Variants in LETMD1 observed in about 807,000 individuals in gnomAD.
LETMD1 encodes the protein LETM1 domain containing 1.
LETMD1 carries 30 observed loss-of-function variants against 43.9 expected under a neutral mutation model. The ratio of observed to expected loss-of-function variants is 0.68; its 90% CI spans 0.51 to 0.93. LETMD1 has a LOEUF of 0.93. Among genes scored for constraint, LETMD1 ranks in the 40% least tolerant of loss-of-function variants. The pLI, the probability that LETMD1 is intolerant of heterozygous loss-of-function variation, is 0.00. For missense variants in LETMD1, 413 were observed against 447.7 expected, an observed-to-expected ratio of 0.92 and a Z score of 0.70; for synonymous variants, 176 against 163.1, an observed-to-expected ratio of 1.08 and a Z score of -0.60.
At chr12:51,068,793 G>A in the LETMD1 span, among the ~76,000 whole-genome samples, 2 of 151,734 alleles carry the variant, frequency 1.3e-5, no homozygotes, top group African/African-American at 4.8e-5. Flanking sequence ...GAAAAAAAAA[G>A]GGCAAATTAA....
At chr12:51,052,239 A>T in intron 3 of LETMD1, 32 bp downstream of exon 3, 1 of 1,610,708 alleles carries the variant, frequency 6.2e-7, no homozygotes, top group Non-Finnish European at 8.5e-7. Context: ...CCAGAAGTTC[A>T]TGGTGAGGTA....
At chr12:51,068,677 AAC>A in the LETMD1 span, among the ~76,000 whole-genome samples, 1 of 152,216 alleles carries the variant, frequency 6.6e-6, no homozygotes, top group African/African-American at 2.4e-5. Flanking sequence ...CTTGCCTTCT[AAC>A]ACAGAGAGGA....
At position 51,055,813 on chromosome 12, in the gene LETMD1, TTG is replaced by T. The variant is rs1197608423; in HGVS notation, c.474-19_474-18del. 1 of 1,561,682 alleles carries T rather than the reference TTG, an allele frequency of 6.4e-7. No individual in the cohort carries two copies. The highest frequency in any genetic ancestry group is 1.4e-5 in the African/African-American group (1 of 73,150). ...AAGAAGCCAGTTTCAGCAAGTGAGT[TTG>T]TGATTCTTTCTCCTTTCAGGTACCT... On this transcript the variant is annotated intron_variant, in intron 4 of 8. Transcript: ENST00000262055.
chr12:51,064,776 TAAG>T (rs778852688), downstream of LETMD1: 92 of 914,232 alleles, frequency 1.0e-4, no homozygotes, highest in Non-Finnish European at 1.2e-4. Flanking sequence ...GGTCTCCTTG[TAAG>T]AAGAAAAGCA....
chr12:51,060,759 A>G (rs376845391), downstream of LETMD1, among the ~76,000 whole-genome samples: 31 of 152,182 alleles, frequency 2.0e-4, no homozygotes, highest in East Asian at 2.9e-3. Context: ...AAAATTAGCC[A>G]GGCGTGGTGG....
intron 3 of LETMD1, 67 bp from the exon 4 acceptor site, chr12:51,053,711 G>T (rs750201793): frequency 9.5e-7 from 1 of 1,053,022 alleles, no homozygotes; most frequent in Non-Finnish European, 1.5e-6. Flanking sequence ...CAGTGGGGTG[G>T]ATGGATTGTC....
chr12:51,061,021 C>T (rs1441771139), downstream of LETMD1, among the ~76,000 whole-genome samples: 1 of 151,880 alleles, frequency 6.6e-6, no homozygotes, highest in Non-Finnish European at 1.5e-5. Flanking sequence ...TACACAAGGG[C>T]ATATGAACCA....
chr12:51,048,579 T>G, intron 1 of LETMD1, 101 bp downstream of exon 1: 1 of 1,455,034 alleles, frequency 6.9e-7, no homozygotes, highest in Admixed American at 1.9e-5. Context: ...GTTCCACGCC[T>G]TGGCCCTGGA....
intron 4 of LETMD1, among the ~76,000 whole-genome samples, chr12:51,054,323 G>A (rs1181237437): frequency 2.6e-5 from 4 of 152,088 alleles, no homozygotes; most frequent in South Asian, 2.1e-4. Context: ...TAAAACAATC[G>A]TATAAATCAT....
At chr12:51,055,371 C>T (rs538236345) in intron 4 of LETMD1, among the ~76,000 whole-genome samples, 1 of 152,012 alleles carries the variant, frequency 6.6e-6, no homozygotes, top group East Asian at 1.9e-4. Flanking sequence ...CTGAGAGTCA[C>T]TTAAGAGAAA....
chr12:51,064,710 A>T (rs748314697), downstream of LETMD1: 4 of 1,468,954 alleles, frequency 2.7e-6, no homozygotes. Context: ...TGAGACCTAC[A>T]ATCCTAACAA....
At chr12:51,064,225 G>C (rs1247520672), downstream of LETMD1, 1 of 1,613,766 alleles carries the variant, frequency 6.2e-7, no homozygotes, top group South Asian at 1.1e-5. Flanking sequence ...CCTGGGGGCA[G>C]CTGAGCCTGG....
chr12:51,064,177 G>C (rs774325667), downstream of LETMD1: 3 of 1,614,180 alleles, frequency 1.9e-6, no homozygotes, highest in East Asian at 6.7e-5. Flanking sequence ...GAGGCAGTTG[G>C]GTGGTCTGAG....
At chr12:51,050,787 G>A (rs1311616021) in intron 2 of LETMD1, among the ~76,000 whole-genome samples, 2 of 151,528 alleles carry the variant, frequency 1.3e-5, no homozygotes, top group African/African-American at 4.8e-5. Flanking sequence ...GCCGGGGCGG[G>A]CGGATCATCT....
chr12:51,064,342 T>G (rs548123151), downstream of LETMD1: 1 of 1,614,206 alleles, frequency 6.2e-7, no homozygotes, highest in Admixed American at 1.7e-5. Context: ...AGGCTGGCAC[T>G]AGAGCCGCTG....
Position 51,055,938 on chromosome 12 carries a change from G to C in LETMD1, c.577G>C (p.Glu193Gln). ...TGCTTTCCGGAAGCAGTCCCACCCA[G>C]AAATTATTAGTTATTTAGAAAAGGT... is the stretch of plus-strand genomic sequence containing the variant. ...YHAFRKQSHP[E>Q]IISYLEKVIP... The change falls in exon 5 of 9, where the codon GAA becomes CAA. Residue 193 changes from glutamate (E) to glutamine (Q), a missense_variant. Transcript: ENST00000262055. The C allele has an allele frequency of 6.2e-7, 1 of 1,614,042 alleles. No homozygotes were observed. Among genetic ancestry groups the C allele is most frequent in the Non-Finnish European group, 8.5e-7 (1 of 1,179,954 alleles).
upstream of LETMD1, chr12:51,048,285 C>A (rs533555037): frequency 1.2e-6 from 2 of 1,605,770 alleles, no homozygotes; most frequent in South Asian, 1.1e-5. Flanking sequence ...CATGCGTCTT[C>A]GAACGAACGC....
downstream of LETMD1, chr12:51,063,974 A>C: frequency 6.2e-7 from 1 of 1,613,720 alleles, no homozygotes; most frequent in Non-Finnish European, 8.5e-7. Context: ...TACAGAGGGC[A>C]GCTGGGTCTG....
upstream of LETMD1, chr12:51,048,276 A>G: frequency 3.2e-6 from 5 of 1,585,812 alleles, no homozygotes; most frequent in Non-Finnish European, 3.5e-6. Flanking sequence ...GAAAAGACGC[A>G]TGCGTCTTCG....
Sources: gnomAD v4.1 joint callset for allele counts (sites outside exome capture counted in the v4.1 genomes callset) on GRCh38, gnomAD v4.1.1 for gene constraint, MANE v1.5 for transcripts, NCBI Gene and HGNC (gene_info 2026-07-23, HGNC 2026-07-21) for gene names.